The following CYP3A43 variants were observed in gnomAD, a reference collection of about 807,000 sequenced individuals.
The protein encoded by CYP3A43 is cytochrome P450 3A43.
A neutral mutation model predicts 58.0 loss-of-function variants in CYP3A43; 45 were observed. The observed-to-expected ratio is 0.78, with a 90% CI of 0.61 to 0.99. CYP3A43 has a LOEUF of 0.99. Among genes scored for constraint, CYP3A43 ranks in the 50% least tolerant of loss-of-function variants. The pLI, the probability that CYP3A43 is intolerant of heterozygous loss-of-function variation, is 0.00. For missense variants in CYP3A43, 593 were observed against 591.9 expected, an observed-to-expected ratio of 1.00 and a Z score of -0.02; for synonymous variants, 191 against 201.4, an observed-to-expected ratio of 0.95 and a Z score of 0.44.
At chr7:99,839,794 A>G (rs1399205433) in intron 3 of CYP3A43, among the ~76,000 whole-genome samples, 1 of 152,200 alleles carries the variant, frequency 6.6e-6, no homozygotes, top group Non-Finnish European at 1.5e-5. Flanking sequence ...TGATTTACAT[A>G]GGGCATGAAA....
At chr7:99,837,648 T>C (rs1817151648) in intron 2 of CYP3A43, among the ~76,000 whole-genome samples, 1 of 152,218 alleles carries the variant, frequency 6.6e-6, no homozygotes, top group Non-Finnish European at 1.5e-5. Context: ...GTTCTGTTTT[T>C]TTTTAAAAGA....
intron 3 of CYP3A43, among the ~76,000 whole-genome samples, chr7:99,843,443 A>G (rs1304260978): frequency 6.6e-6 from 1 of 152,108 alleles, no homozygotes; most frequent in East Asian, 1.9e-4. Context: ...GAAAATAATG[A>G]AGAGGATTAC....
At chr7:99,865,724 T>C (rs1373904949) in intron 12 of CYP3A43, among the ~76,000 whole-genome samples, 182 bp from the exon 13 acceptor site, 1 of 148,812 alleles carries the variant, frequency 6.7e-6, no homozygotes, top group African/African-American at 2.6e-5. Flanking sequence ...GTAAATGCTT[T>C]CACTATCCAA....
At chr7:99,840,174 G>T (rs1817275625) in intron 3 of CYP3A43, among the ~76,000 whole-genome samples, 1 of 152,186 alleles carries the variant, frequency 6.6e-6, no homozygotes, top group African/African-American at 2.4e-5. Context: ...TGTTAAAAGG[G>T]AAGCTTTGCT....
chr7:99,839,666 T>C, intron 3 of CYP3A43, among the ~76,000 whole-genome samples: 1 of 152,064 alleles, frequency 6.6e-6, no homozygotes, highest in East Asian at 1.9e-4. Flanking sequence ...GAGCAGAGGT[T>C]GGATAGGTGA....
chr7:99,850,834 C>T lies in CYP3A43; in HGVS notation c.670+1140C>T, dbSNP rs185239999. 2.0e-5 allele frequency among the ~76,000 whole-genome samples: 3 copies of T among 152,336 alleles called. No homozygotes were observed. The East Asian group carries it at 5.8e-4, about 29-fold the overall frequency. Reference sequence around the variant, plus strand: ...CATGTTGAAACATGGATCAGTACTTCATTTCTTTTTATGACCAAATAATAT... The same window carrying T: ...CATGTTGAAACATGGATCAGTACTTTATTTCTTTTTATGACCAAATAATAT... On this transcript the variant is annotated intron_variant, in intron 7 of 12. Transcript: ENST00000354829.
chr7:99,837,149 CAAAAAAAAAA>C (rs59738486), intron 2 of CYP3A43, among the ~76,000 whole-genome samples: 1 of 80,620 alleles, frequency 1.2e-5, no homozygotes, highest in Non-Finnish European at 3.1e-5. Context: ...ACTAAAAATA[CAAAAAAAAAA>C]AAAAAAAAAA....
intron 2 of CYP3A43, among the ~76,000 whole-genome samples, chr7:99,837,031 C>T (rs1281197132): frequency 6.6e-6 from 1 of 151,678 alleles, no homozygotes; most frequent in African/African-American, 2.4e-5. Flanking sequence ...ATTGGCTGGG[C>T]GCGGTGGCTC....
At chr7:99,834,641 G>A (rs918853702) in intron 1 of CYP3A43, among the ~76,000 whole-genome samples, 1 of 152,182 alleles carries the variant, frequency 6.6e-6, no homozygotes, top group Admixed American at 6.5e-5. Context: ...GAGGGAAAGG[G>A]TTTTGATCTT....
At chr7:99,833,641 T>C (rs190364348) in intron 1 of CYP3A43, among the ~76,000 whole-genome samples, 2 of 152,362 alleles carry the variant, frequency 1.3e-5, no homozygotes, top group East Asian at 3.9e-4. Context: ...TTACGCACTC[T>C]TTAATTTCTT....
intron 8 of CYP3A43, 45 bp downstream of exon 8, chr7:99,855,763 A>C (rs370094724): frequency 6.5e-7 from 1 of 1,548,598 alleles, no homozygotes. Flanking sequence ...CTTTTTTATT[A>C]TATTTTTGGG....
intron 8 of CYP3A43, 118 bp downstream of exon 8, chr7:99,855,836 C>G (rs755087850): frequency 7.7e-6 from 9 of 1,165,414 alleles, no homozygotes; most frequent in Non-Finnish European, 1.1e-5. Context: ...AACTTTAGAC[C>G]AAGAGGGTTT....
intron 7 of CYP3A43, among the ~76,000 whole-genome samples, chr7:99,852,707 G>A (rs1218273450): frequency 6.6e-6 from 1 of 152,146 alleles, no homozygotes; most frequent in Non-Finnish European, 1.5e-5. Context: ...GCTGAGAGAG[G>A]TATCCTTGTC....
intron 2 of CYP3A43, 48 bp downstream of exon 2, chr7:99,836,594 C>G (rs767394802): frequency 7.3e-7 from 1 of 1,368,100 alleles, no homozygotes; most frequent in African/African-American, 1.5e-5. Context: ...GATGCAAACC[C>G]AAGCTTAGTC....
chr7:99,859,973 G>A lies in CYP3A43; in HGVS notation c.1009G>A (p.Ala337Thr), dbSNP rs771535128. 21 of 1,607,060 alleles carry A rather than the reference G, an allele frequency of 1.3e-5. No homozygotes were observed. Among genetic ancestry groups the A allele is most frequent in the South Asian group, 5.6e-5 (5 of 89,518 alleles). The change falls in exon 10 of 13, where the codon GCA (alanine) becomes ACA (threonine). Residue 337 changes from alanine (A) to threonine (T), a missense_variant. Transcript: ENST00000354829. ...GCAGAAACTGCAGGAGGAGATTGAC[G>A]CAGTTTTACCCAATAAGGTAAGGGG... ...VQQKLQEEIDAVLPNKAPVTY... is the reference protein window; with the variant it reads ...VQQKLQEEIDTVLPNKAPVTY...
Position 99,857,909 on chromosome 7 carries a change from C to T in CYP3A43, c.865+1010C>T, listed in dbSNP as rs528842576. Among the ~76,000 whole-genome samples the T allele has an allele frequency of 3.9e-5, 6 of 151,996 alleles. No homozygotes were observed. The East Asian group carries it at 7.7e-4, about 20-fold the overall frequency. ...CAGGAAATGTTTAACTCAAACACAC[C>T]ATTGTAAATATATCTATGTCTTCAT... On this transcript the variant is annotated intron_variant, in intron 9 of 12. Coordinates refer to ENST00000354829, the MANE Select transcript of CYP3A43 (RefSeq NM_057095.3).
Position 99,861,777 on chromosome 7 carries a change from A to G in CYP3A43, c.1191A>G (p.Pro397=), listed in dbSNP as rs139999922. 7 of 1,614,136 alleles carry G rather than the reference A, an allele frequency of 4.3e-6. No homozygotes were observed. The highest frequency in any genetic ancestry group is 5.9e-6 in the Non-Finnish European group (7 of 1,180,004). Residue 397 remains proline (P), a synonymous_variant, in exon 11 of 13, where the codon CCA becomes CCG. Coordinates refer to ENST00000354829, the MANE Select transcript of CYP3A43 (RefSeq NM_057095.3). The part of the protein sequence containing the change: ...FIPKGLAVMV[P]IYALHHDPKY... ...CCAAAGGGTTAGCAGTGATGGTTCCAATCTATGCTCTTCACCATGACCCAA... is the reference window on the plus strand; with the variant it reads ...CCAAAGGGTTAGCAGTGATGGTTCCGATCTATGCTCTTCACCATGACCCAA...
At chr7:99,857,979 C>T (rs1204188894) in intron 9 of CYP3A43, among the ~76,000 whole-genome samples, 1 of 152,120 alleles carries the variant, frequency 6.6e-6, no homozygotes, top group Non-Finnish European at 1.5e-5. Flanking sequence ...CCATCTGTCC[C>T]AGTGCAACTT....
At chr7:99,856,737 C>A in intron 8 of CYP3A43, 96 bp from the exon 9 acceptor site, 1 of 1,242,718 alleles carries the variant, frequency 8.0e-7, no homozygotes. Context: ...TTAAAGAGAG[C>A]ATATTCTCAG....
Sources: allele counts gnomAD v4.1 joint callset (sites outside exome capture counted in the v4.1 genomes callset), GRCh38; gene constraint gnomAD v4.1.1; transcripts MANE v1.5; gene names NCBI Gene and HGNC (gene_info 2026-07-23, HGNC 2026-07-21).